Variants in KDM3B observed in about 807,000 individuals in gnomAD.
The protein encoded by KDM3B is lysine demethylase 3B.
KDM3B carries 10 observed loss-of-function variants against 170.0 expected under a neutral mutation model. The ratio of observed to expected loss-of-function variants is 0.06; its 90% CI spans 0.04 to 0.10. The LOEUF (loss-of-function observed/expected upper bound fraction) is 0.10, where lower values mean the gene tolerates loss of function less well. KDM3B is among the 10% of genes least tolerant of loss of function. The probability of loss-of-function intolerance (pLI) is 1.00; values close to 1 mark genes in which losing one functional copy is unlikely to be tolerated. For synonymous variants in KDM3B, 831 were observed against 834.8 expected (o/e 1.00, Z 0.08); for missense variants, 1,394 against 2,195.2 (o/e 0.64, Z 7.29).
intron 1 of KDM3B, among the ~76,000 whole-genome samples, chr5:138,360,024 C>A (rs1358508562): frequency 2.0e-5 from 3 of 152,116 alleles, no homozygotes; most frequent in African/African-American, 7.2e-5. Context: ...CCGAACCTTT[C>A]CTCTGTCTCA....
In KDM3B at chr5:138,386,077, T is replaced by C. The variant is rs746368708; in HGVS notation, c.836T>C (p.Ile279Thr). 1.2e-5 allele frequency: 19 copies of C among 1,613,828 alleles called. 1 individual carries two copies. The East Asian group carries it at 1.3e-4, about 11-fold the overall frequency. ...SSKGKKKRES[I>T]EGKDGRRRKS... ...AAAGGAAAGAAGAAGAGAGAAAGCA[T>C]AGAGGGGAAAGATGGCCGGAGGAGG... The change falls in exon 7 of 24, where the codon ATA becomes ACA. Residue 279 changes from isoleucine to threonine, a missense_variant. Ile to Thr is a moderately conservative substitution (Grantham distance 89, BLOSUM62 -1). Transcript: ENST00000314358.
chr5:138,415,302 C>A, intron 12 of KDM3B, 63 bp downstream of exon 12: 2 of 1,042,232 alleles, frequency 1.9e-6, no homozygotes, highest in South Asian at 1.6e-5. Context: ...AGCCATACAC[C>A]ATAAAATTTT....
intron 1 of KDM3B, among the ~76,000 whole-genome samples, chr5:138,356,880 G>A (rs1347837890): frequency 6.6e-6 from 1 of 152,074 alleles, no homozygotes; most frequent in Non-Finnish European, 1.5e-5. Flanking sequence ...CTGACCTCGT[G>A]ATCTGTGCCC....
chr5:138,407,130 T>G (rs1762844368), intron 11 of KDM3B, among the ~76,000 whole-genome samples: 1 of 151,912 alleles, frequency 6.6e-6, no homozygotes. Flanking sequence ...GGATTATAGG[T>G]GTGTGCCACC....
chr5:138,414,194 C>G (rs1763045151), intron 11 of KDM3B, among the ~76,000 whole-genome samples: 2 of 151,932 alleles, frequency 1.3e-5, no homozygotes, highest in African/African-American at 4.8e-5. Flanking sequence ...GAGATGGAGT[C>G]TCGCTCTGTC....
At chr5:138,389,428 T>A (rs1441871798) in intron 7 of KDM3B, among the ~76,000 whole-genome samples, 1 of 152,192 alleles carries the variant, frequency 6.6e-6, no homozygotes, top group African/African-American at 2.4e-5. Flanking sequence ...CTTTTGTTTA[T>A]CGGGAATCAC....
intron 23 of KDM3B, among the ~76,000 whole-genome samples, chr5:138,432,311 G>A (rs773765775): frequency 2.6e-4 from 39 of 152,198 alleles, no homozygotes; most frequent in Non-Finnish European, 1.0e-4. Flanking sequence ...GTATCCCCTT[G>A]TAGAGCAGAG....
chr5:138,433,916 T>A (rs1763604034), intron 23 of KDM3B, among the ~76,000 whole-genome samples: 1 of 151,408 alleles, frequency 6.6e-6, no homozygotes, highest in South Asian at 2.1e-4. Context: ...ATTTTTGTAT[T>A]TTTAGTAGAG....
At chr5:138,406,880 C>A (rs1484206579) in intron 11 of KDM3B, among the ~76,000 whole-genome samples, 3 of 151,196 alleles carry the variant, frequency 2.0e-5, no homozygotes, top group African/African-American at 7.3e-5. Flanking sequence ...ATAGTGAGAC[C>A]CTATCTCTTT....
chr5:138,377,701 CTTCTTTTATCT>C lies in KDM3B; in HGVS notation c.475-16_475-6del. 1 of 1,559,448 alleles carries C rather than the reference CTTCTTTTATCT, an allele frequency of 6.4e-7. No homozygotes were observed. The highest frequency in any genetic ancestry group is 8.8e-7 in the Non-Finnish European group (1 of 1,132,382). Reference sequence around the variant, plus strand: ...ATTCATTTTAACATTCAGTTGTTTTCTTCTTTTATCTTTACCAGATGGGAACAGATAGCCAA... The same window carrying C: ...ATTCATTTTAACATTCAGTTGTTTTCTTACCAGATGGGAACAGATAGCCAA... On this transcript the variant is annotated splice_polypyrimidine_tract_variant and splice_region_variant and intron_variant, in intron 3 of 23. Coordinates refer to ENST00000314358, the MANE Select transcript of KDM3B (RefSeq NM_016604.4).
At chr5:138,379,160 A>G (rs1313643031) in intron 4 of KDM3B, among the ~76,000 whole-genome samples, 2 of 152,210 alleles carry the variant, frequency 1.3e-5, no homozygotes, top group East Asian at 1.9e-4. Flanking sequence ...TAAACATAAC[A>G]TAACATAACA....
chr5:138,382,038 C>A (rs1261636631), intron 6 of KDM3B, among the ~76,000 whole-genome samples: 4 of 151,540 alleles, frequency 2.6e-5, no homozygotes, highest in African/African-American at 4.9e-5. Context: ...AGAATCAATT[C>A]AAGCTGGTAC....
chr5:138,399,812 T>C (rs2126961868), intron 10 of KDM3B, 48 bp from the exon 11 acceptor site: 1 of 1,584,882 alleles, frequency 6.3e-7, no homozygotes, highest in Non-Finnish European at 8.6e-7. Context: ...GGGTCTTTTG[T>C]TATTGGTCAG....
intron 15 of KDM3B, 83 bp downstream of exon 15, chr5:138,421,045 A>T: frequency 6.7e-7 from 1 of 1,495,294 alleles, no homozygotes; most frequent in South Asian, 1.2e-5. Context: ...TAGAGGGTAC[A>T]TGGGTGATTT....
chr5:138,411,231 A>G (rs1034911972), intron 11 of KDM3B, among the ~76,000 whole-genome samples: 5 of 152,218 alleles, frequency 3.3e-5, no homozygotes, highest in Admixed American at 6.5e-5. Context: ...GTCCGGGCAT[A>G]ACAGAAGGCT....
intron 2 of KDM3B, 113 bp downstream of exon 2, chr5:138,372,954 A>G: frequency 3.2e-6 from 3 of 927,828 alleles, no homozygotes; most frequent in Non-Finnish European, 4.5e-6. Flanking sequence ...CTTAACGTAC[A>G]TTTATTCTGA....
At chr5:138,389,806 G>GTA (rs1405577686) in intron 7 of KDM3B, among the ~76,000 whole-genome samples, 1 of 151,580 alleles carries the variant, frequency 6.6e-6, no homozygotes, top group Non-Finnish European at 1.5e-5. Context: ...GTGTGTGTGT[G>GTA]TGTGTGTCCC....
chr5:138,421,843 C>T (rs1763280224), intron 15 of KDM3B, among the ~76,000 whole-genome samples: 2 of 152,140 alleles, frequency 1.3e-5, no homozygotes, highest in South Asian at 4.1e-4. Flanking sequence ...TAGAGTCACG[C>T]ACCTGGACTA....
intron 14 of KDM3B, among the ~76,000 whole-genome samples, chr5:138,419,530 C>CT (rs1242712998): frequency 2.0e-5 from 3 of 150,896 alleles, no homozygotes; most frequent in Non-Finnish European, 4.4e-5. Context: ...TGGCGGGTGC[C>CT]TGTAGTCCCA....
Sources: allele counts gnomAD v4.1 joint callset (sites outside exome capture counted in the v4.1 genomes callset), GRCh38; gene constraint gnomAD v4.1.1; transcripts MANE v1.5; gene names NCBI Gene and HGNC (gene_info 2026-07-23, HGNC 2026-07-21).